Variants in C12orf42 observed in about 807,000 individuals in gnomAD.
C12orf42 encodes uncharacterized protein C12orf42.
In C12orf42, 25 loss-of-function variants were observed where a neutral mutation model predicts 21.6. That is an observed-to-expected ratio of 1.16 (90% CI 0.84 to 1.62). The LOEUF is 1.62. Among genes scored for constraint, C12orf42 ranks in the 40% most tolerant of loss-of-function variants. The pLI is 0.00. For synonymous variants in C12orf42, 174 were observed against 175.0 expected (o/e 0.99, Z 0.05); for missense variants, 483 against 459.3 (o/e 1.05, Z -0.47).
chr12:103,251,463 C>A (rs567491057), intron 10 of C12orf42, among the ~76,000 whole-genome samples: 1 of 152,278 alleles, frequency 6.6e-6, no homozygotes, highest in Non-Finnish European at 1.5e-5. Flanking sequence ...CAGTGTTCTG[C>A]TTCCTTATTT....
intron 2 of C12orf42, among the ~76,000 whole-genome samples, chr12:103,419,790 C>T (rs543255308): frequency 4.6e-5 from 7 of 152,250 alleles, no homozygotes; most frequent in Non-Finnish European, 1.0e-4. Context: ...GTGGATACCT[C>T]GTCATAGCTC....
At chr12:103,435,942 A>G (rs1269637953) in intron 2 of C12orf42, among the ~76,000 whole-genome samples, 4 of 149,188 alleles carry the variant, frequency 2.7e-5, no homozygotes, top group South Asian at 2.1e-4. Flanking sequence ...TCCAAGACAC[A>G]TAATTGTCAG....
the C12orf42 span, among the ~76,000 whole-genome samples, chr12:103,220,370 A>G: frequency 2.6e-5 from 4 of 152,172 alleles, no homozygotes; most frequent in African/African-American, 9.7e-5. Flanking sequence ...CGTTCTGCAC[A>G]TGTATCCCAA....
the C12orf42 span, among the ~76,000 whole-genome samples, chr12:103,097,252 G>A: frequency 4.6e-5 from 7 of 151,110 alleles, no homozygotes; most frequent in Admixed American, 2.6e-4. Context: ...GTGTTGAGCC[G>A]GTGGGTTTGG....
At chr12:103,080,677 A>G in the C12orf42 span, among the ~76,000 whole-genome samples, 8 of 152,298 alleles carry the variant, frequency 5.3e-5, no homozygotes, top group African/African-American at 1.9e-4. Flanking sequence ...CCAGTGCATC[A>G]TTCTCCTCCT....
chr12:103,188,119 A>G, the C12orf42 span, among the ~76,000 whole-genome samples: 1 of 152,168 alleles, frequency 6.6e-6, no homozygotes, highest in Admixed American at 6.5e-5. Flanking sequence ...TATGGCAAGC[A>G]GTGTTTCTAC....
At chr12:103,385,034 G>A (rs575072357) in intron 3 of C12orf42, among the ~76,000 whole-genome samples, 193 of 152,218 alleles carry the variant, frequency 1.3e-3, no homozygotes, top group Admixed American at 3.0e-3. Flanking sequence ...AAAAATGCTC[G>A]TCAAGCCTCC....
chr12:103,074,123 A>G, the C12orf42 span, among the ~76,000 whole-genome samples: 1 of 152,172 alleles, frequency 6.6e-6, no homozygotes, highest in African/African-American at 2.4e-5. Flanking sequence ...GTTTACGGGG[A>G]GTTAACCTAA....
At chr12:103,500,169 AATGATGGTTCAT>A (rs1955683783), upstream of C12orf42, among the ~76,000 whole-genome samples, 1 of 152,226 alleles carries the variant, frequency 6.6e-6, no homozygotes, top group Non-Finnish European at 1.5e-5. Flanking sequence ...AAACTGCTTA[AATGATGGTTCAT>A]ATGTCAGAGT....
the C12orf42 span, among the ~76,000 whole-genome samples, chr12:103,232,455 T>C: frequency 1.4e-5 from 2 of 145,784 alleles, no homozygotes; most frequent in Admixed American, 6.8e-5. Flanking sequence ...ACACCTGTAA[T>C]CCCAGCACTT....
intron 2 of C12orf42, among the ~76,000 whole-genome samples, chr12:103,404,197 GA>G (rs1159343336): frequency 2.6e-5 from 4 of 152,204 alleles, no homozygotes; most frequent in Non-Finnish European, 5.9e-5. Flanking sequence ...TCTGCAGGAA[GA>G]AGGAAGAAAG....
At chr12:103,488,565 C>T (rs888957821) in intron 1 of C12orf42, among the ~76,000 whole-genome samples, 1 of 152,210 alleles carries the variant, frequency 6.6e-6, no homozygotes. Flanking sequence ...TGGTTCCATT[C>T]TCCCCATTAC....
the C12orf42 span, among the ~76,000 whole-genome samples, chr12:103,103,484 T>C: frequency 1.3e-5 from 2 of 152,162 alleles, no homozygotes; most frequent in Non-Finnish European, 2.9e-5. Flanking sequence ...GAGAGGTAGA[T>C]AGGCTAGCAG....
intron 1 of C12orf42, among the ~76,000 whole-genome samples, chr12:103,485,068 A>G (rs922652595): frequency 6.6e-6 from 1 of 151,720 alleles, no homozygotes; most frequent in African/African-American, 2.4e-5. Context: ...ACGGGGTTTC[A>G]CCATGTTAGC....
At chr12:103,380,013 G>A (rs117885488) in intron 3 of C12orf42, among the ~76,000 whole-genome samples, 83 of 152,214 alleles carry the variant, frequency 5.5e-4, no homozygotes, top group Non-Finnish European at 1.0e-3. Flanking sequence ...CCGTTAGTGA[G>A]GCCTTACGTA....
chr12:103,473,978 A>C (rs1953834291), intron 2 of C12orf42, among the ~76,000 whole-genome samples: 1 of 152,174 alleles, frequency 6.6e-6, no homozygotes, highest in African/African-American at 2.4e-5. Context: ...GATTAGTCTT[A>C]GTTTTTAATG....
the C12orf42 span, among the ~76,000 whole-genome samples, chr12:103,107,312 A>G: frequency 1.3e-5 from 2 of 151,914 alleles, no homozygotes; most frequent in East Asian, 1.9e-4. Flanking sequence ...CCCAAATTAG[A>G]AAATAGTATT....
At chr12:103,535,340 T>TATATATA in the C12orf42 span, among the ~76,000 whole-genome samples, 1 of 151,760 alleles carries the variant, frequency 6.6e-6, no homozygotes, top group African/African-American at 2.4e-5. Context: ...TAACTTATAT[T>TATATATA]AGATATAAGT....
At chr12:103,403,972 T>C (rs755310058) in intron 2 of C12orf42, among the ~76,000 whole-genome samples, 1 of 152,198 alleles carries the variant, frequency 6.6e-6, no homozygotes, top group Non-Finnish European at 1.5e-5. Context: ...ACAGAGACTG[T>C]GATGCAAAAA....
Sources: gnomAD v4.1 joint callset for allele counts (sites outside exome capture counted in the v4.1 genomes callset) on GRCh38, gnomAD v4.1.1 for gene constraint, MANE v1.5 for transcripts, NCBI Gene and HGNC (gene_info 2026-07-23, HGNC 2026-07-21) for gene names.